NEDD9: variants seen among roughly 807,000 people sequenced by gnomAD.
NEDD9 encodes the protein enhancer of filamentation 1.
NEDD9 carries 26 observed loss-of-function variants against 76.6 expected under a neutral mutation model. The ratio of observed to expected loss-of-function variants is 0.34; its 90% CI spans 0.25 to 0.47. The LOEUF is 0.47. NEDD9 is among the 20% of genes least tolerant of loss of function. NEDD9 has a pLI of 1.00. For missense variants in NEDD9, 937 were observed against 1,058.5 expected (o/e 0.89, Z 1.59); for synonymous variants, 392 against 414.2 (o/e 0.95, Z 0.65).
chr6:11,295,698 C>A (rs1760873256), intron 3 of NEDD9, among the ~76,000 whole-genome samples: 1 of 152,176 alleles, frequency 6.6e-6, no homozygotes, highest in South Asian at 2.1e-4. Flanking sequence ...GCCTCTGTGA[C>A]TTGCTGGGGT....
chr6:11,236,876 C>T (rs1759613934), upstream of NEDD9, among the ~76,000 whole-genome samples: 1 of 152,134 alleles, frequency 6.6e-6, no homozygotes. This position sits in a 1 kb window ranked among gnomAD's most constrained non-coding sequence, Gnocchi z 5.5. Flanking sequence ...TGGCATGGAC[C>T]ACCATCTGAA....
intron 3 of NEDD9, among the ~76,000 whole-genome samples, chr6:11,192,930 C>T (rs1257973808): frequency 3.0e-5 from 1 of 32,926 alleles, no homozygotes; most frequent in Non-Finnish European, 5.5e-5. Context: ...AAGACTCTGT[C>T]TCAAAAAAAA....
At chr6:11,188,712 A>G (rs1344364306) in intron 5 of NEDD9, among the ~76,000 whole-genome samples, 1 of 152,130 alleles carries the variant, frequency 6.6e-6, no homozygotes, top group East Asian at 1.9e-4. Flanking sequence ...AGTAGTTCCC[A>G]CTGTGCAGGG....
chr6:11,291,169 GCGGTT>G (rs1760752809), intron 3 of NEDD9, among the ~76,000 whole-genome samples: 1 of 152,000 alleles, frequency 6.6e-6, no homozygotes, highest in Non-Finnish European at 1.5e-5. Context: ...CCTTGCTACT[GCGGTT>G]CACTGCAGCA....
intron 3 of NEDD9, among the ~76,000 whole-genome samples, chr6:11,250,995 A>G (rs1050082592): frequency 6.6e-6 from 1 of 152,210 alleles, no homozygotes; most frequent in African/African-American, 2.4e-5. Context: ...ATGTCTCCAG[A>G]ATTTTTCTGC....
intron 3 of NEDD9, among the ~76,000 whole-genome samples, chr6:11,304,348 A>G (rs1761125967): frequency 6.6e-6 from 1 of 152,242 alleles, no homozygotes; most frequent in Non-Finnish European, 1.5e-5. Context: ...AGGGTTTTAC[A>G]CTGTTGGTGG....
At chr6:11,319,617 T>TTA in intron 2 of NEDD9, among the ~76,000 whole-genome samples, 1 of 88,484 alleles carries the variant, frequency 1.1e-5, no homozygotes, top group East Asian at 4.9e-4. Flanking sequence ...ACACTCACAC[T>TTA]CACACACACA....
chr6:11,257,144 G>A (rs544526403), intron 3 of NEDD9, among the ~76,000 whole-genome samples: 54 of 152,272 alleles, frequency 3.5e-4, no homozygotes, highest in African/African-American at 1.2e-3. Flanking sequence ...TCCTTCAAAT[G>A]GTGGAGCCAG....
intron 2 of NEDD9, among the ~76,000 whole-genome samples, chr6:11,322,196 G>C (rs1290189093): frequency 6.6e-6 from 1 of 152,166 alleles, no homozygotes. Flanking sequence ...GGCAAGGGAA[G>C]GGAGAGCATT....
intron 3 of NEDD9, among the ~76,000 whole-genome samples, chr6:11,266,436 A>G (rs1054213438): frequency 1.3e-5 from 2 of 152,110 alleles, no homozygotes; most frequent in African/African-American, 2.4e-5. Flanking sequence ...CCAGGTGTTA[A>G]TAGTGCTGAT....
intron 3 of NEDD9, chr6:11,251,239 T>C (rs547687674): frequency 6.6e-6 from 1 of 152,352 alleles, no homozygotes; most frequent in African/African-American, 2.4e-5. Flanking sequence ...GTTCTAGGAA[T>C]CAGTAAATGT....
intron 2 of NEDD9, among the ~76,000 whole-genome samples, chr6:11,324,681 A>G (rs771382802): frequency 6.6e-6 from 1 of 152,218 alleles, no homozygotes. Flanking sequence ...CACATGGAGC[A>G]TTCGCCATGA....
At chr6:11,277,064 G>A (rs554691533) in intron 3 of NEDD9, among the ~76,000 whole-genome samples, 2,172 of 152,274 alleles carry the variant, frequency 0.014, 51 homozygotes, top group African/African-American at 0.048. Context: ...ATGCCCGGGG[G>A]GTGCATCTGG....
intron 2 of NEDD9, among the ~76,000 whole-genome samples, chr6:11,201,962 A>C (rs114654240): frequency 5.9e-4 from 90 of 152,304 alleles, no homozygotes; most frequent in Non-Finnish European, 1.1e-3. Context: ...TAGAGTACTA[A>C]TGTGTGGAGT....
intron 2 of NEDD9, among the ~76,000 whole-genome samples, chr6:11,201,926 C>T (rs1758467249): frequency 6.6e-6 from 1 of 152,072 alleles, no homozygotes. Context: ...TGATTATTGA[C>T]CAGTGGAGTT....
Position 11,190,998 on chromosome 6 carries a change from C to A in NEDD9, c.871G>T (p.Ala291Ser), listed in dbSNP as rs369820835. The change falls in exon 5 of 7, where the codon GCT becomes TCT. Residue 291 changes from alanine (A) to serine (S), a missense_variant. By Grantham distance (99) the Ala-to-Ser change is moderately conservative. Transcript: ENST00000379446. The surrounding 1 kb of genome is among the most constrained non-coding windows in gnomAD (Gnocchi z 5.8). ...GGGGACAGGCTCTGGTGCCTTCGAG[C>A]CACCGGTTCTGCAGCTCCTGGAATG... ...CDIPGAAEPV[A>S]RRHQSLSPNH... is the part of the protein sequence containing the mutation. 1 of 1,613,962 alleles carries A rather than the reference C, an allele frequency of 6.2e-7. No individual in the cohort carries two copies. Among genetic ancestry groups the A allele is most frequent in the Non-Finnish European group, 8.5e-7 (1 of 1,180,002 alleles).
At chr6:11,275,181 A>C (rs544774971) in intron 3 of NEDD9, among the ~76,000 whole-genome samples, 1 of 152,324 alleles carries the variant, frequency 6.6e-6, no homozygotes, top group African/African-American at 2.4e-5. Flanking sequence ...ACTTACTTGC[A>C]GGCTGTAAAA....
intron 3 of NEDD9, among the ~76,000 whole-genome samples, chr6:11,281,549 T>A (rs1760538640): frequency 1.3e-5 from 2 of 152,188 alleles, no homozygotes; most frequent in African/African-American, 4.8e-5. Flanking sequence ...AGACAGGGTC[T>A]CCCTGTGTTG....
At chr6:11,305,905 T>G in intron 3 of NEDD9, 1 of 1,460,762 alleles carries the variant, frequency 6.8e-7, no homozygotes, top group South Asian at 1.1e-5. Flanking sequence ...AAAAACATGA[T>G]TTGTATTATT....
Sources: allele counts gnomAD v4.1 joint callset (sites outside exome capture counted in the v4.1 genomes callset), GRCh38; gene constraint gnomAD v4.1.1; non-coding constraint Gnocchi (gnomAD v3.1); transcripts MANE v1.5; gene names NCBI Gene and HGNC (gene_info 2026-07-23, HGNC 2026-07-21).